EXOC6: variants seen among roughly 807,000 people sequenced by gnomAD.
The protein encoded by EXOC6 is exocyst complex component 6, also known as SEC15-like 1.
In EXOC6, 60 loss-of-function variants were observed where a neutral mutation model predicts 112.5. The ratio of observed to expected loss-of-function variants is 0.53; its 90% CI spans 0.43 to 0.66. EXOC6 has a LOEUF of 0.66. EXOC6 is among the 30% of genes least tolerant of loss of function. The pLI, the probability that EXOC6 is intolerant of heterozygous loss-of-function variation, is 0.00. For synonymous variants in EXOC6, 295 were observed against 308.0 expected (o/e 0.96, Z 0.44); for missense variants, 855 against 957.1 (o/e 0.89, Z 1.41).
chr10:92,974,189 T>C lies in EXOC6; in HGVS notation c.1910T>C (p.Ile637Thr), dbSNP rs762302785. ...GCTAGTGGTTATTTAATGGACCTTA[T>C]AAATTTTTTGAGAAGCATCTTTCAA... is the stretch of plus-strand genomic sequence containing the variant. ...GRASGYLMDLINFLRSIFQVF... is the reference protein window; with the variant it reads ...GRASGYLMDLTNFLRSIFQVF... The change falls in exon 18 of 22, where the codon ATA becomes ACA. Residue 637 changes from isoleucine to threonine, a missense_variant. Physicochemically the swap from Ile to Thr is moderately conservative, Grantham distance 89 (BLOSUM62 -1). This residue lies in a region of EXOC6 where 450 missense variants were observed against 563.5 expected (regional missense o/e 0.80). Transcript: ENST00000260762. The C allele has an allele frequency of 3.2e-6, 5 of 1,579,782 alleles. No individual in the cohort carries two copies. The South Asian group carries it at 6.0e-5, about 19-fold the overall frequency.
chr10:92,881,201 G>T (rs1278005762), intron 1 of EXOC6, among the ~76,000 whole-genome samples: 2 of 152,134 alleles, frequency 1.3e-5, no homozygotes, highest in Non-Finnish European at 2.9e-5. Context: ...AGGATAGTCA[G>T]ATTTCTTACA....
intron 1 of EXOC6, among the ~76,000 whole-genome samples, chr10:92,863,202 A>G (rs900465106): frequency 6.6e-6 from 1 of 152,214 alleles, no homozygotes; most frequent in Non-Finnish European, 1.5e-5. Context: ...TGAAAACACA[A>G]TATCGATAGC....
intron 13 of EXOC6, among the ~76,000 whole-genome samples, chr10:92,941,596 A>G (rs1852671027): frequency 6.6e-6 from 1 of 152,202 alleles, no homozygotes; most frequent in South Asian, 2.1e-4. Context: ...CTAGTAAATG[A>G]TTAAATACTT....
chr10:92,975,642 C>T (rs1842533751), intron 18 of EXOC6, among the ~76,000 whole-genome samples: 1 of 138,904 alleles, frequency 7.2e-6, no homozygotes, highest in Non-Finnish European at 1.6e-5. Context: ...GCCCGGCCAG[C>T]CACCCCGTCC....
At chr10:92,950,345 T>A (rs1408357413) in intron 14 of EXOC6, among the ~76,000 whole-genome samples, 1 of 152,170 alleles carries the variant, frequency 6.6e-6, no homozygotes, top group Non-Finnish European at 1.5e-5. Context: ...TAAACATACA[T>A]GCAAAAATGT....
chr10:92,921,245 CTTTT>C (rs11443044), intron 8 of EXOC6, among the ~76,000 whole-genome samples: 1 of 115,764 alleles, frequency 8.6e-6, no homozygotes, highest in Non-Finnish European at 1.7e-5. Context: ...TTGTCATTTC[CTTTT>C]TTTTTTTTTT....
chr10:92,851,384 G>A (rs1239638368), intron 1 of EXOC6, among the ~76,000 whole-genome samples: 11 of 152,242 alleles, frequency 7.2e-5, no homozygotes, highest in Middle Eastern at 3.4e-3. Context: ...GGTGGCTCAC[G>A]CCTGTAATCC....
rs761021262 is a variant in EXOC6 at position 92,894,955 on chromosome 10, T to C, written c.347T>C (p.Ile116Thr). Reference sequence around the variant, plus strand: ...GTGATAGTCCACACAGAAGATATCATTCGATGTAGAATTCAGCAGAGAAAT... The same window carrying C: ...GTGATAGTCCACACAGAAGATATCACTCGATGTAGAATTCAGCAGAGAAAT... ...KEVIVHTEDIIRCRIQQRNIT... is the reference protein window; with the variant it reads ...KEVIVHTEDITRCRIQQRNIT... Residue 116 changes from isoleucine (I) to threonine (T), a missense_variant, in exon 4 of 22, where the codon ATT becomes ACT. Around this residue, in one of 2 missense-constraint regions of EXOC6, gnomAD observed 405 missense variants for 393.6 expected, o/e 1.03. Transcript: ENST00000260762. The C allele has an allele frequency of 1.5e-5, 24 of 1,612,510 alleles. No individual in the cohort carries two copies. The highest frequency in any genetic ancestry group is 2.0e-5 in the Non-Finnish European group (24 of 1,178,808).
intron 20 of EXOC6, among the ~76,000 whole-genome samples, chr10:93,031,506 CTTTCTTTTTTT>C (rs1349584934): frequency 1.8e-5 from 2 of 113,686 alleles, no homozygotes; most frequent in Non-Finnish European, 3.5e-5. Flanking sequence ...TTTTTTCTTT[CTTTCTTTTTTT>C]TTTTTTTTTT....
chr10:93,036,636 C>T (rs1845528877), intron 20 of EXOC6, among the ~76,000 whole-genome samples: 1 of 152,090 alleles, frequency 6.6e-6, no homozygotes, highest in Non-Finnish European at 1.5e-5. Flanking sequence ...TTACTGGGTA[C>T]TGCTGAAAAA....
At chr10:92,922,902 G>T (rs1003602132) in intron 8 of EXOC6, among the ~76,000 whole-genome samples, 2 of 152,096 alleles carry the variant, frequency 1.3e-5, no homozygotes, top group African/African-American at 2.4e-5. Flanking sequence ...CTTTCCAAGG[G>T]GCCCTGGGCT....
intron 12 of EXOC6, among the ~76,000 whole-genome samples, chr10:92,937,962 T>G (rs2133965640): frequency 6.6e-6 from 1 of 152,310 alleles, no homozygotes; most frequent in Admixed American, 6.5e-5. Context: ...GTAAATTAAC[T>G]ATATCCCCAA....
At chr10:92,930,759 C>A (rs1452710163) in intron 9 of EXOC6, among the ~76,000 whole-genome samples, 1 of 151,404 alleles carries the variant, frequency 6.6e-6, no homozygotes, top group African/African-American at 2.4e-5. Context: ...AAGCATGAGC[C>A]ATAAAAGAAA....
chr10:93,045,774 A>G (rs2478238), intron 20 of EXOC6, among the ~76,000 whole-genome samples: 19,645 of 152,166 alleles, frequency 0.13, 1,395 homozygotes, highest in African/African-American at 0.18. Context: ...TTGTTATGCA[A>G]GTGTAGCAGA....
At chr10:92,981,613 C>G (rs1309636611) in intron 18 of EXOC6, among the ~76,000 whole-genome samples, 1 of 152,056 alleles carries the variant, frequency 6.6e-6, no homozygotes, top group African/African-American at 2.4e-5. Flanking sequence ...AGAAACTCTT[C>G]ATTGTTTTGT....
At chr10:92,918,560 A>G (rs572548811) in intron 7 of EXOC6, among the ~76,000 whole-genome samples, 16 of 152,228 alleles carry the variant, frequency 1.1e-4, no homozygotes, top group East Asian at 1.9e-4. Flanking sequence ...AACTACAGGC[A>G]CATGCCTGTA....
chr10:92,895,106 A>G, intron 4 of EXOC6, 86 bp downstream of exon 4: 2 of 793,016 alleles, frequency 2.5e-6, no homozygotes, highest in South Asian at 3.0e-5. Flanking sequence ...TGGTATGGGA[A>G]TTACAGATTA....
chr10:92,974,116 G>A lies in EXOC6; in HGVS notation c.1837G>A (p.Val613Ile), dbSNP rs1288390583. 4 of 1,604,508 alleles carry A rather than the reference G, an allele frequency of 2.5e-6. No homozygotes were observed. ...TKLNQKIDEF[V>I]QLADYDWTMS... ...ACTGAATCAAAAAATTGATGAATTT[G>A]TTCAGCTTGCTGATTATGACTGGAC... The change falls in exon 18 of 22, where the codon GTT (valine) becomes ATT (isoleucine). Residue 613 changes from valine (V) to isoleucine (I), a missense_variant. By Grantham distance (29) the Val-to-Ile change is conservative. Coordinates refer to ENST00000260762, the MANE Select transcript of EXOC6 (RefSeq NM_019053.6).
chr10:92,837,493 C>T (rs1846699405), intron 1 of EXOC6, among the ~76,000 whole-genome samples: 1 of 152,080 alleles, frequency 6.6e-6, no homozygotes, highest in Non-Finnish European at 1.5e-5. Flanking sequence ...ATAGTGAGAC[C>T]CTGTCCCTAT....
Sources: allele counts gnomAD v4.1 joint callset (sites outside exome capture counted in the v4.1 genomes callset), GRCh38; gene constraint gnomAD v4.1.1; regional missense constraint gnomAD v4.1.1; transcripts MANE v1.5; gene names NCBI Gene and HGNC (gene_info 2026-07-23, HGNC 2026-07-21).